SOX5: variants seen among roughly 807,000 people sequenced by gnomAD.
SOX5 encodes the protein SRY-box transcription factor 5.
SOX5 carries 9 observed loss-of-function variants against 92.0 expected under a neutral mutation model. That is an observed-to-expected ratio of 0.10 (90% CI 0.06 to 0.17). SOX5 has a LOEUF of 0.17. Among genes scored for constraint, SOX5 ranks in the 10% least tolerant of loss-of-function variants. The probability of loss-of-function intolerance (pLI) is 1.00; values close to 1 mark genes in which losing one functional copy is unlikely to be tolerated. For missense variants in SOX5, 642 were observed against 944.5 expected, an observed-to-expected ratio of 0.68 and a Z score of 4.20; for synonymous variants, 344 against 336.3, an observed-to-expected ratio of 1.02 and a Z score of -0.25.
chr12:24,403,749 G>A (rs961897491), intron 1 of SOX5, among the ~76,000 whole-genome samples: 3 of 152,174 alleles, frequency 2.0e-5, no homozygotes, highest in Non-Finnish European at 4.4e-5. Flanking sequence ...CATTAGTGCA[G>A]CTTCATTAAA....
chr12:23,933,062 G>C (rs917123172), intron 1 of SOX5, among the ~76,000 whole-genome samples: 4 of 151,638 alleles, frequency 2.6e-5, no homozygotes, highest in Non-Finnish European at 5.9e-5. Flanking sequence ...CAGATGACTT[G>C]TATTAGATCC....
At chr12:24,462,731 T>A (rs1359649107) in intron 1 of SOX5, among the ~76,000 whole-genome samples, 5 of 152,220 alleles carry the variant, frequency 3.3e-5, no homozygotes, top group Non-Finnish European at 7.3e-5. Flanking sequence ...AGGATGTGCT[T>A]CTACTCCTAA....
At chr12:23,616,569 C>G (rs2076583612) in intron 8 of SOX5, among the ~76,000 whole-genome samples, 3 of 152,148 alleles carry the variant, frequency 2.0e-5, no homozygotes, top group Admixed American at 2.0e-4. Context: ...GATTTAAAAT[C>G]TTTTGTATTT....
intron 4 of SOX5, among the ~76,000 whole-genome samples, chr12:23,971,476 C>T (rs2140146712): frequency 6.6e-6 from 1 of 151,126 alleles, no homozygotes; most frequent in East Asian, 1.9e-4. Flanking sequence ...GGGATTTTAA[C>T]CACAATTACC....
chr12:24,118,538 A>G (rs957380333), intron 4 of SOX5, among the ~76,000 whole-genome samples: 3 of 152,162 alleles, frequency 2.0e-5, no homozygotes, highest in African/African-American at 7.2e-5. Context: ...TGATAACATC[A>G]AAACAATAGA....
At chr12:23,557,975 C>CAAAA (rs371140908) in intron 11 of SOX5, among the ~76,000 whole-genome samples, 1 of 113,048 alleles carries the variant, frequency 8.8e-6, no homozygotes, top group Non-Finnish European at 1.8e-5. Flanking sequence ...GACTCCGCCT[C>CAAAA]AAAAAAAAAA....
chr12:24,446,303 CA>C (rs796383188), intron 1 of SOX5, among the ~76,000 whole-genome samples: 3 of 151,828 alleles, frequency 2.0e-5, no homozygotes, highest in Admixed American at 1.3e-4. Flanking sequence ...GATTGGGTGG[CA>C]AAAAAATGCC....
intron 3 of SOX5, among the ~76,000 whole-genome samples, chr12:23,827,192 A>G (rs1179433787): frequency 6.6e-6 from 1 of 152,212 alleles, no homozygotes; most frequent in Non-Finnish European, 1.5e-5. Flanking sequence ...ATCTGCTTCT[A>G]ATTAAAAAGT....
At chr12:23,999,527 C>A (rs985053190) in intron 4 of SOX5, among the ~76,000 whole-genome samples, 1 of 152,048 alleles carries the variant, frequency 6.6e-6, no homozygotes, top group African/African-American at 2.4e-5. Flanking sequence ...GTAATCATTT[C>A]ATAATGTATA....
chr12:24,483,512 C>A (rs540406867), intron 1 of SOX5, among the ~76,000 whole-genome samples: 13 of 152,304 alleles, frequency 8.5e-5, no homozygotes, highest in African/African-American at 2.6e-4. Flanking sequence ...CAAATGAGTA[C>A]TTGTGTATTT....
intron 10 of SOX5, among the ~76,000 whole-genome samples, chr12:23,565,527 T>C (rs950488733): frequency 6.6e-6 from 1 of 152,302 alleles, no homozygotes; most frequent in Middle Eastern, 3.4e-3. Flanking sequence ...AATAAAAGCA[T>C]GAATTCTTTA....
At chr12:23,976,744 G>C (rs1948958735) in intron 4 of SOX5, among the ~76,000 whole-genome samples, 1 of 151,900 alleles carries the variant, frequency 6.6e-6, no homozygotes, top group South Asian at 2.1e-4. Flanking sequence ...AAGAACATCA[G>C]TCCCGCTGAT....
chr12:24,140,544 T>C (rs1950496634), intron 4 of SOX5, among the ~76,000 whole-genome samples: 2 of 152,284 alleles, frequency 1.3e-5, no homozygotes, highest in South Asian at 4.1e-4. Flanking sequence ...TATAGCTTTA[T>C]AGCTCAGTTT....
intron 3 of SOX5, among the ~76,000 whole-genome samples, chr12:24,272,529 A>G (rs1943893443): frequency 6.6e-6 from 1 of 152,200 alleles, no homozygotes; most frequent in African/African-American, 2.4e-5. Flanking sequence ...ACATTAAGGA[A>G]GTTCCTCCCT....
chr12:24,066,144 G>T (rs1001692526), intron 4 of SOX5, among the ~76,000 whole-genome samples: 9 of 152,242 alleles, frequency 5.9e-5, no homozygotes, highest in African/African-American at 1.9e-4. Context: ...ATTCTGGAAT[G>T]AACCAACTAT....
chr12:23,688,397 G>A (rs940742821), intron 6 of SOX5, among the ~76,000 whole-genome samples: 18 of 152,012 alleles, frequency 1.2e-4, no homozygotes, highest in Admixed American at 2.6e-4. Flanking sequence ...GAAATTTTAC[G>A]TTTTACTCAA....
chr12:23,916,920 A>G (rs1405081190), intron 1 of SOX5, among the ~76,000 whole-genome samples: 1 of 152,192 alleles, frequency 6.6e-6, no homozygotes, highest in Non-Finnish European at 1.5e-5. Context: ...TTAAAATTTT[A>G]TACATGGATA....
intron 8 of SOX5, among the ~76,000 whole-genome samples, chr12:23,634,933 T>A (rs545323918): frequency 2.6e-5 from 4 of 152,314 alleles, no homozygotes; most frequent in African/African-American, 9.6e-5. Context: ...CATTCCTCAT[T>A]CTTTATTTAA....
chr12:24,530,664 C>G (rs1951113592), intron 1 of SOX5, among the ~76,000 whole-genome samples: 1 of 150,992 alleles, frequency 6.6e-6, no homozygotes, highest in African/African-American at 2.4e-5. Flanking sequence ...AAAAAACACC[C>G]TAGTTTTCAT....
Sources: gnomAD v4.1 joint callset for allele counts (sites outside exome capture counted in the v4.1 genomes callset) on GRCh38, gnomAD v4.1.1 for gene constraint, MANE v1.5 for transcripts, NCBI Gene and HGNC (gene_info 2026-07-23, HGNC 2026-07-21) for gene names.